Variants in ZNF334 observed in about 807,000 individuals in gnomAD.
ZNF334 encodes zinc finger protein 334.
In ZNF334, 14 loss-of-function variants were observed where a neutral mutation model predicts 12.4. That is an observed-to-expected ratio of 1.13 (90% CI 0.74 to 1.76). The LOEUF is 1.76. ZNF334 is among the 40% of genes most tolerant of loss of function. The pLI, the probability that ZNF334 is intolerant of heterozygous loss-of-function variation, is 0.00. For synonymous variants in ZNF334, 273 were observed against 269.6 expected (o/e 1.01, Z -0.12); for missense variants, 797 against 804.5 (o/e 0.99, Z 0.11).
In ZNF334 at chr20:46,501,321, A is replaced by G; in HGVS notation, c.2018T>C (p.Leu673Ser). ...KTFRHKSNFL[L>S]HQKSHKE is the part of the protein sequence containing the mutation. ...TTATTCCTTGTGGGATTTCTGATGT[A>G]AAAGAAAGTTTGATTTGTGGCGAAA... The change falls in exon 5 of 5, where the codon TTA (leucine) becomes TCA (serine). Residue 673 changes from leucine to serine, a missense_variant. By Grantham distance (145) the Leu-to-Ser change is moderately radical. Transcript: ENST00000692313. 1 of 1,610,988 alleles carries G rather than the reference A, an allele frequency of 6.2e-7. No homozygotes were observed. Among genetic ancestry groups the G allele is most frequent in the Non-Finnish European group, 8.5e-7 (1 of 1,178,132 alleles).
At chr20:46,466,436 A>G in the ZNF334 span, among the ~76,000 whole-genome samples, 1 of 152,216 alleles carries the variant, frequency 6.6e-6, no homozygotes, top group Non-Finnish European at 1.5e-5. Context: ...AATATGTGAA[A>G]ACAGCCCATA....
the ZNF334 span, among the ~76,000 whole-genome samples, chr20:46,471,136 G>T: frequency 6.6e-6 from 1 of 152,124 alleles, no homozygotes; most frequent in Non-Finnish European, 1.5e-5. Flanking sequence ...AATCATTTTA[G>T]TTTTAGCCAA....
chr20:46,464,728 C>T, the ZNF334 span: 308 of 479,676 alleles, frequency 6.4e-4, no homozygotes, highest in African/African-American at 5.3e-3. Flanking sequence ...TCTGATTCTC[C>T]CTTGGTCACT....
chr20:46,481,034 G>A, the ZNF334 span: 1 of 152,454 alleles, frequency 6.6e-6, no homozygotes, highest in African/African-American at 2.4e-5. Context: ...GTGGTTGGGG[G>A]TAGGGGTTGG....
Position 46,502,012 on chromosome 20 carries a change from A to G in ZNF334, c.1327T>C (p.Cys443Arg), listed in dbSNP as rs1196973264. The change falls in exon 5 of 5, where the codon TGT (cysteine) becomes CGT (arginine). Residue 443 changes from cysteine (C) to arginine (R), a missense_variant. Physicochemically the swap from Cys to Arg is radical, Grantham distance 180. Coordinates refer to ENST00000692313, the MANE Select transcript of ZNF334 (RefSeq NM_001353824.2). ...TGTGCAATGAGGGCTGATTTCGTAC[A>G]TAAAAATTTTCCACATTGACTGCAT... ...YECSQCGKFL[C>R]TKSALIAHQI... The G allele has an allele frequency of 1.2e-6, 2 of 1,614,086 alleles. No individual in the cohort carries two copies. The highest frequency in any genetic ancestry group is 1.1e-5 in the South Asian group (1 of 91,080).
the ZNF334 span, among the ~76,000 whole-genome samples, chr20:46,488,644 C>T: frequency 6.6e-6 from 1 of 151,756 alleles, no homozygotes; most frequent in Non-Finnish European, 1.5e-5. Context: ...AAATTCCCAT[C>T]TGGCATCCCT....
intron 2 of ZNF334, chr20:46,509,744 A>C (rs2061575367): frequency 1.4e-6 from 1 of 691,034 alleles, no homozygotes; most frequent in Non-Finnish European, 2.7e-6. Context: ...GTGTGGTTTC[A>C]TCCAAGTCTA....
At chr20:46,508,680 GTTGGCAT>G (rs1346992720) in intron 2 of ZNF334, among the ~76,000 whole-genome samples, 1 of 152,194 alleles carries the variant, frequency 6.6e-6, no homozygotes, top group Non-Finnish European at 1.5e-5. Flanking sequence ...GTGGGATGCT[GTTGGCAT>G]TTGGTGGAAG....
At chr20:46,511,010 G>C (rs1251621694) in intron 2 of ZNF334, among the ~76,000 whole-genome samples, 9 of 150,912 alleles carry the variant, frequency 6.0e-5, no homozygotes, top group African/African-American at 1.5e-4. Flanking sequence ...AACCACAAAG[G>C]GCATGAAAAA....
At chr20:46,471,906 C>T in the ZNF334 span, among the ~76,000 whole-genome samples, 3 of 152,152 alleles carry the variant, frequency 2.0e-5, no homozygotes, top group Non-Finnish European at 4.4e-5. Context: ...CTATTCTTGG[C>T]CATTTGCATT....
At chr20:46,481,279 G>T in the ZNF334 span, 1 of 152,218 alleles carries the variant, frequency 6.6e-6, no homozygotes, top group African/African-American at 2.4e-5. Flanking sequence ...TGGTGATGAG[G>T]TGACAGTCAG....
the ZNF334 span, among the ~76,000 whole-genome samples, chr20:46,463,192 A>G: frequency 1.3e-5 from 2 of 152,194 alleles, no homozygotes; most frequent in Admixed American, 6.5e-5. Context: ...GGTTGCAGTG[A>G]GCCGAGATCG....
chr20:46,478,619 T>A, the ZNF334 span, among the ~76,000 whole-genome samples: 1 of 152,214 alleles, frequency 6.6e-6, no homozygotes, highest in East Asian at 1.9e-4. Context: ...CCACTTCCCA[T>A]CATGGCCTGA....
At chr20:46,509,681 T>TCATCTGGCTCCAC in intron 2 of ZNF334, 1 of 702,988 alleles carries the variant, frequency 1.4e-6, no homozygotes, top group South Asian at 1.5e-5. Context: ...CCAGGTTGCA[T>TCATCTGGCTCCAC]CATCTGGCTC....
Position 46,501,932 on chromosome 20 carries a change from A to G in ZNF334, c.1407T>C (p.Phe469=). 6.2e-7 allele frequency: 1 copy of G among 1,613,722 alleles called. No homozygotes were observed. Among genetic ancestry groups the G allele is most frequent in the Non-Finnish European group, 8.5e-7 (1 of 1,179,900 alleles). ...KSYECNECGK[F]FCHKSTLTIH... ...TAGTGAGTGTTGACTTATGGCAGAA[A>G]AATTTCCCACATTCATTACATTCAT... The change falls in exon 5 of 5, where the codon TTT becomes TTC. Residue 469 remains phenylalanine (F), a synonymous_variant. Transcript: ENST00000692313.
chr20:46,488,557 G>T, the ZNF334 span, among the ~76,000 whole-genome samples: 1 of 151,244 alleles, frequency 6.6e-6, no homozygotes, highest in Non-Finnish European at 1.5e-5. Flanking sequence ...CTTTTAAAGA[G>T]ATTTAAGTAA....
rs113140692 is a variant in ZNF334 at position 46,506,152 on chromosome 20, C to G, written c.22-1412G>C. On this transcript the variant is annotated intron_variant, in intron 2 of 4. Transcript: ENST00000692313. ...CTGTTGAGTAAAGAAGTACAGATAT[C>G]TAGCTGGCAGTTTGATATATGGTTC... 3,610 of 395,730 alleles carry G rather than the reference C, an allele frequency of 9.1e-3. 112 individuals carry two copies. The highest frequency in any genetic ancestry group is 0.068 in the African/African-American group (3,292 of 48,594). The allele number at this position is 395,730 out of a possible 1,614,324, so 24.5% of individuals were successfully genotyped here.
intron 2 of ZNF334, among the ~76,000 whole-genome samples, chr20:46,507,480 T>C (rs1370948718): frequency 6.6e-6 from 1 of 152,238 alleles, no homozygotes; most frequent in East Asian, 1.9e-4. Flanking sequence ...AATAATACTG[T>C]ATTCATGTGA....
chr20:46,481,330 T>A, the ZNF334 span: 6 of 152,298 alleles, frequency 3.9e-5, no homozygotes, highest in Admixed American at 1.3e-4. Flanking sequence ...GAAGCTTTCT[T>A]TAGTGACCCA....
Sources: allele counts gnomAD v4.1 joint callset (sites outside exome capture counted in the v4.1 genomes callset), GRCh38; gene constraint gnomAD v4.1.1; transcripts MANE v1.5; gene names NCBI Gene and HGNC (gene_info 2026-07-23, HGNC 2026-07-21).